The following THSD4 variants were observed in gnomAD, a reference collection of about 807,000 sequenced individuals.
The protein encoded by THSD4 is thrombospondin type 1 domain containing 4.
In THSD4, 69 loss-of-function variants were observed where a neutral mutation model predicts 119.0. The ratio of observed to expected loss-of-function variants is 0.58; its 90% CI spans 0.48 to 0.71. The LOEUF is 0.71. THSD4 is among the 30% of genes least tolerant of loss of function. The pLI is 0.00. For missense variants in THSD4, 1,393 were observed against 1,391.1 expected, an observed-to-expected ratio of 1.00 and a Z score of -0.02; for synonymous variants, 524 against 540.4, an observed-to-expected ratio of 0.97 and a Z score of 0.42.
chr15:71,642,672 T>C (rs1001534060), intron 7 of THSD4, among the ~76,000 whole-genome samples: 10 of 149,372 alleles, frequency 6.7e-5, no homozygotes, highest in Non-Finnish European at 1.5e-4. Flanking sequence ...AAGTTGGAAA[T>C]CATCATTCTC....
chr15:71,682,785 G>C (rs2051811966), intron 8 of THSD4, among the ~76,000 whole-genome samples: 1 of 151,760 alleles, frequency 6.6e-6, no homozygotes, highest in Non-Finnish European at 1.5e-5. Context: ...GTACCACACA[G>C]AGTATTTTGG....
chr15:71,587,786 T>TAAAAAAAAAAAAAAAAAAAAAAAAAAA (rs1491483701), intron 7 of THSD4, among the ~76,000 whole-genome samples: 1 of 5,782 alleles, frequency 1.7e-4, no homozygotes, highest in Non-Finnish European at 5.0e-4. Context: ...AAAAAAAAAA[T>TAAAAAAAAAAAAAAAAAAAAAAAAAAA]TAAAAAAAAA....
At chr15:71,412,741 C>G (rs995865315) in intron 7 of THSD4, among the ~76,000 whole-genome samples, 2 of 152,134 alleles carry the variant, frequency 1.3e-5, no homozygotes, top group Admixed American at 6.5e-5. Context: ...CCTACCCCCC[C>G]ACCAACAACA....
At chr15:71,521,958 AG>A (rs1361786896) in intron 7 of THSD4, among the ~76,000 whole-genome samples, 1 of 152,208 alleles carries the variant, frequency 6.6e-6, no homozygotes, top group Non-Finnish European at 1.5e-5. Context: ...CTGTGTGGTG[AG>A]CCAGTCTGTG....
chr15:71,565,893 C>G (rs188075974), intron 7 of THSD4, among the ~76,000 whole-genome samples: 94 of 152,262 alleles, frequency 6.2e-4, no homozygotes, highest in African/African-American at 2.1e-3. Context: ...GTGCTTAGAA[C>G]AAAGTATGAT....
chr15:71,745,380 G>T, intron 12 of THSD4, 145 bp downstream of exon 12: 1 of 1,129,718 alleles, frequency 8.9e-7, no homozygotes, highest in Non-Finnish European at 1.2e-6. Flanking sequence ...AGTCTGTTTA[G>T]CAGGCACACC....
rs1423165482 is a variant in THSD4 at position 71,782,261 on chromosome 15, T to A, written c.*4887T>A. On this transcript the variant is annotated 3_prime_UTR_variant, in exon 18 of 18. Coordinates refer to ENST00000261862, the MANE Select transcript of THSD4 (RefSeq NM_024817.3). ...AGCAGATAATGATGGAGGGGGGGGG[T>A]GTCCATCGTGCTGAGGGTGTGACCG... 1.4e-5 allele frequency: 2 copies of A among 142,042 alleles called. No homozygotes were observed. The highest frequency in any genetic ancestry group is 7.3e-5 in the Admixed American group (1 of 13,652). The allele number at this position is 142,042 out of a possible 1,614,324, so 8.8% of individuals were successfully genotyped here. A position where few individuals can be genotyped will look rare whatever the true frequency, so the allele number is the denominator to read the frequency against.
chr15:71,725,686 G>C (rs549386220), intron 8 of THSD4, among the ~76,000 whole-genome samples: 1 of 152,298 alleles, frequency 6.6e-6, no homozygotes, highest in Non-Finnish European at 1.5e-5. Context: ...AGCAACATGG[G>C]GGTCTTGGTG....
chr15:71,332,892 A>ATTTTTTTTTTTTTTTTTTTTTTTTTTT lies in THSD4; in HGVS notation c.1015+76193_1015+76194insTTTTTTTTTTTTTTTTTTTTTTTTTTT. On this transcript the variant is annotated intron_variant, in intron 6 of 17. Transcript: ENST00000261862. ...TCTTAAAACATTGAGATTTTTTTAC[A>ATTTTTTTTTTTTTTTTTTTTTTTTTTT]TTTTTTTTTTTTTTTTAGTTCATCA... Among the ~76,000 whole-genome samples the ATTTTTTTTTTTTTTTTTTTTTTTTTTT allele has an allele frequency of 1.8e-3, 135 of 76,988 alleles. 22 individuals carry two copies. Among genetic ancestry groups the ATTTTTTTTTTTTTTTTTTTTTTTTTTT allele is most frequent in the Non-Finnish European group, 2.6e-3 (101 of 38,866 alleles). The allele number at this position is 76,988 out of a possible 152,430, so 50.5% of individuals were successfully genotyped here.
chr15:71,219,297 C>A (rs1361904559), intron 4 of THSD4, among the ~76,000 whole-genome samples: 1 of 152,212 alleles, frequency 6.6e-6, no homozygotes, highest in Non-Finnish European at 1.5e-5. Context: ...TGATTCCAAT[C>A]CAGCCAAGTT....
Position 71,417,769 on chromosome 15 carries a change from G to A in THSD4, c.1152+5946G>A, listed in dbSNP as rs772230035. 1.9e-5 allele frequency among the ~76,000 whole-genome samples: 2 copies of A among 107,206 alleles called. 1 individual carries two copies. Among genetic ancestry groups the A allele is most frequent in the South Asian group, 5.8e-4 (2 of 3,448 alleles). 70.3% of individuals were successfully genotyped at this position (107,206 alleles called of 152,430 possible). A position where few individuals can be genotyped will look rare whatever the true frequency, so the allele number is the denominator to read the frequency against. ...TTTAAAATTGTGTTTTTCTATTTCC[G>A]TGAAGAATTTCATTGGTATTTTGAT... On this transcript the variant is annotated intron_variant, in intron 7 of 17. Coordinates refer to ENST00000261862, the MANE Select transcript of THSD4 (RefSeq NM_024817.3).
At chr15:71,561,788 A>G (rs1220097493) in intron 7 of THSD4, among the ~76,000 whole-genome samples, 2 of 152,088 alleles carry the variant, frequency 1.3e-5, no homozygotes, top group Non-Finnish European at 2.9e-5. Flanking sequence ...ATACCCTCCC[A>G]GGTGGAGAAG....
intron 7 of THSD4, among the ~76,000 whole-genome samples, chr15:71,440,940 A>G (rs1219215068): frequency 2.0e-5 from 3 of 152,112 alleles, no homozygotes; most frequent in Admixed American, 6.5e-5. Flanking sequence ...TCAGTTCTGA[A>G]TCTGTTTTTT....
At chr15:71,170,000 C>G (rs1237420449) in intron 3 of THSD4, among the ~76,000 whole-genome samples, 14 of 152,032 alleles carry the variant, frequency 9.2e-5, no homozygotes, top group Admixed American at 9.2e-4. Flanking sequence ...ATGGTGAAAC[C>G]CCATCTCTAC....
chr15:71,218,711 C>T (rs766668667), intron 4 of THSD4, among the ~76,000 whole-genome samples: 5 of 152,036 alleles, frequency 3.3e-5, no homozygotes, highest in Non-Finnish European at 5.9e-5. Context: ...TATATTTGAC[C>T]CCAAGGAGAA....
At chr15:71,512,743 TC>T (rs199832263) in intron 7 of THSD4, among the ~76,000 whole-genome samples, 140 of 148,708 alleles carry the variant, frequency 9.4e-4, no homozygotes, top group African/African-American at 3.2e-3. Context: ...TCCTTTTTTT[TC>T]TTTTTTTTAA....
chr15:71,484,567 C>T (rs2140677152), intron 7 of THSD4, among the ~76,000 whole-genome samples: 1 of 152,358 alleles, frequency 6.6e-6, no homozygotes, highest in African/African-American at 2.4e-5. Flanking sequence ...CCTCATCATC[C>T]TTTCAGCATA....
intron 8 of THSD4, among the ~76,000 whole-genome samples, chr15:71,661,648 G>A (rs1447265436): frequency 1.3e-5 from 2 of 151,940 alleles, no homozygotes; most frequent in African/African-American, 2.4e-5. Flanking sequence ...TGCCCACCTC[G>A]ACCTCCCAAA....
intron 7 of THSD4, among the ~76,000 whole-genome samples, chr15:71,536,835 A>C (rs181143876): frequency 6.6e-6 from 1 of 152,130 alleles, no homozygotes; most frequent in East Asian, 1.9e-4. Context: ...GTCTATCCTC[A>C]TTCTTTTGCG....
Sources: gnomAD v4.1 joint callset for allele counts (sites outside exome capture counted in the v4.1 genomes callset) on GRCh38, gnomAD v4.1.1 for gene constraint, MANE v1.5 for transcripts, NCBI Gene and HGNC (gene_info 2026-07-23, HGNC 2026-07-21) for gene names.